CFAP221: variants seen among roughly 807,000 people sequenced by gnomAD.
CFAP221 encodes cilia and flagella associated protein 221, also known as cilia- and flagella-associated protein 221.
Under a neutral mutation model 113.1 loss-of-function variants are expected in CFAP221, and 97 were observed. The observed-to-expected ratio is 0.86, with a 90% confidence interval of 0.73 to 1.02. CFAP221 has a LOEUF of 1.02. CFAP221 is among the 50% of genes least tolerant of loss of function. CFAP221 has a pLI of 0.00. For synonymous variants in CFAP221, 331 were observed against 354.4 expected (o/e 0.93, Z 0.74); for missense variants, 1,025 against 1,013.4 (o/e 1.01, Z -0.16).
chr2:119,635,901 C>G (rs1052102303), intron 19 of CFAP221, among the ~76,000 whole-genome samples: 4 of 152,040 alleles, frequency 2.6e-5, no homozygotes, highest in African/African-American at 9.7e-5. Context: ...GTCTCGAAGA[C>G]TCAAGGATTG....
chr2:119,585,237 A>G (rs2104611007), intron 6 of CFAP221, among the ~76,000 whole-genome samples: 1 of 152,344 alleles, frequency 6.6e-6, no homozygotes, highest in East Asian at 1.9e-4. Context: ...CATACCACAT[A>G]TTTTTATGCA....
intron 6 of CFAP221, among the ~76,000 whole-genome samples, chr2:119,585,941 A>G (rs1479756910): frequency 6.6e-6 from 1 of 152,228 alleles, no homozygotes; most frequent in South Asian, 2.1e-4. Flanking sequence ...GGTCCTGCCC[A>G]GAAGGTAGAG....
intron 11 of CFAP221, among the ~76,000 whole-genome samples, chr2:119,607,962 A>G (rs1684883909): frequency 6.6e-6 from 1 of 152,234 alleles, no homozygotes; most frequent in Admixed American, 6.5e-5. Flanking sequence ...TAATGCTGCT[A>G]TGAACATTTA....
At chr2:119,622,326 A>C (rs1685989565) in intron 14 of CFAP221, among the ~76,000 whole-genome samples, 1 of 152,156 alleles carries the variant, frequency 6.6e-6, no homozygotes, top group South Asian at 2.1e-4. Flanking sequence ...GGAAGAAGCC[A>C]AATCCCTGAA....
Position 119,656,355 on chromosome 2 carries a change from TACTC to T in CFAP221, c.2415-5_2415-2del. Reference sequence around the variant, plus strand: ...CATGTTTCCTTCTTGGGTTTTTTGATACTCAGAGAAGTGAAAGATCAAGCACAAC... The same window carrying T: ...CATGTTTCCTTCTTGGGTTTTTTGATAGAGAAGTGAAAGATCAAGCACAAC... On this transcript the variant is annotated splice_polypyrimidine_tract_variant and splice_region_variant and intron_variant, in intron 23 of 23. Transcript: ENST00000413369. The T allele has an allele frequency of 6.2e-7, 1 of 1,613,030 alleles. No individual in the cohort carries two copies. Among genetic ancestry groups the T allele is most frequent in the South Asian group, 1.1e-5 (1 of 91,052 alleles).
chr2:119,649,706 C>G (rs1688010458), intron 22 of CFAP221, among the ~76,000 whole-genome samples: 1 of 152,202 alleles, frequency 6.6e-6, no homozygotes, highest in African/African-American at 2.4e-5. Flanking sequence ...CTGAGTGTCA[C>G]AGGGATCGCT....
downstream of CFAP221, among the ~76,000 whole-genome samples, chr2:119,659,328 G>T (rs1688543010): frequency 6.6e-6 from 1 of 152,154 alleles, no homozygotes; most frequent in African/African-American, 2.4e-5. Context: ...TGCTTTCTTT[G>T]TCTCCTACTC....
At chr2:119,554,835 G>A (rs551499716) in intron 3 of CFAP221, among the ~76,000 whole-genome samples, 4 of 152,134 alleles carry the variant, frequency 2.6e-5, no homozygotes, top group African/African-American at 9.7e-5. Context: ...AACTTATAAG[G>A]CTGCTTGAAT....
chr2:119,617,548 G>A (rs1359345476), intron 14 of CFAP221, among the ~76,000 whole-genome samples: 1 of 152,244 alleles, frequency 6.6e-6, no homozygotes, highest in Non-Finnish European at 1.5e-5. Context: ...AAGGGTATCA[G>A]CAATGATGGG....
intron 11 of CFAP221, among the ~76,000 whole-genome samples, chr2:119,607,948 T>C (rs6711295): frequency 0.95 from 145,206 of 152,292 alleles, 69,267 homozygotes; most frequent in East Asian, 0.99. Context: ...TTGACTATTA[T>C]GAATAATGCT....
intron 22 of CFAP221, among the ~76,000 whole-genome samples, chr2:119,648,028 A>G (rs890790738): frequency 7.2e-5 from 11 of 152,174 alleles, no homozygotes; most frequent in South Asian, 2.1e-4. Flanking sequence ...CAGTGCCCCA[A>G]TGTCCTCATT....
chr2:119,636,675 C>T (rs560188559), intron 19 of CFAP221, among the ~76,000 whole-genome samples: 34 of 152,262 alleles, frequency 2.2e-4, no homozygotes, highest in Admixed American at 1.1e-3. Context: ...AAGAAGCAGC[C>T]TCTGGGATGT....
intron 6 of CFAP221, among the ~76,000 whole-genome samples, chr2:119,582,308 A>G (rs776108431): frequency 2.0e-5 from 3 of 152,214 alleles, no homozygotes; most frequent in Non-Finnish European, 4.4e-5. Flanking sequence ...TGTTTAAGCT[A>G]AAACTACAAC....
At chr2:119,585,607 T>G (rs956922370) in intron 6 of CFAP221, among the ~76,000 whole-genome samples, 1 of 152,214 alleles carries the variant, frequency 6.6e-6, no homozygotes, top group Non-Finnish European at 1.5e-5. Context: ...CTTTACATTT[T>G]TCTTTATATT....
At chr2:119,595,491 A>G (rs1388399606) in intron 7 of CFAP221, among the ~76,000 whole-genome samples, 1 of 152,104 alleles carries the variant, frequency 6.6e-6, no homozygotes, top group East Asian at 1.9e-4. Context: ...CTGAAGCTTT[A>G]CTTCACTATC....
intron 16 of CFAP221, among the ~76,000 whole-genome samples, chr2:119,629,171 A>G (rs1253968488): frequency 1.3e-5 from 2 of 152,088 alleles, no homozygotes; most frequent in Non-Finnish European, 2.9e-5. Context: ...TAGTTTAGTG[A>G]TGGTGTATTA....
chr2:119,611,654 T>C lies in CFAP221; in HGVS notation c.1223T>C (p.Leu408Pro). The part of the protein sequence containing the change: ...EWQKACAKYK[L>P]DRGDPILDEE... ...TTATTTTGATGATTAAAAACCCAGC[T>C]AGACAGAGGAGATCCTATTTTGGAT... Residue 408 changes from leucine to proline, a missense_variant and splice_region_variant, in exon 13 of 24, where the codon CTA (leucine) becomes CCA (proline). Physicochemically the swap from Leu to Pro is moderately conservative, Grantham distance 98. Coordinates refer to ENST00000413369, the MANE Select transcript of CFAP221 (RefSeq NM_001271049.2). 6.2e-7 allele frequency: 1 copy of C among 1,610,166 alleles called. No homozygotes were observed. Among genetic ancestry groups the C allele is most frequent in the South Asian group, 1.1e-5 (1 of 90,194 alleles).
chr2:119,603,907 C>T (rs1330023580), intron 8 of CFAP221, among the ~76,000 whole-genome samples: 1 of 152,208 alleles, frequency 6.6e-6, no homozygotes, highest in Non-Finnish European at 1.5e-5. Flanking sequence ...CTATTAGCTG[C>T]ACTACCTCTA....
intron 6 of CFAP221, among the ~76,000 whole-genome samples, chr2:119,574,145 C>A (rs532394086): frequency 6.6e-6 from 1 of 152,216 alleles, no homozygotes; most frequent in Non-Finnish European, 1.5e-5. Context: ...CTGCTCTCCT[C>A]CCCTAGACTT....
Sources: gnomAD v4.1 joint callset for allele counts (sites outside exome capture counted in the v4.1 genomes callset) on GRCh38, gnomAD v4.1.1 for gene constraint, MANE v1.5 for transcripts, NCBI Gene and HGNC (gene_info 2026-07-23, HGNC 2026-07-21) for gene names.